E2F5: variants seen among roughly 807,000 people sequenced by gnomAD.
E2F5 encodes E2F transcription factor 5, also known as transcription factor E2F5.
E2F5 carries 23 observed loss-of-function variants against 39.1 expected under a neutral mutation model. That is an observed-to-expected ratio of 0.59 (90% confidence interval 0.42 to 0.83). E2F5 has a LOEUF of 0.83. Among genes scored for constraint, E2F5 ranks in the 40% least tolerant of loss-of-function variants. E2F5 has a pLI of 0.00. For synonymous variants in E2F5, 145 were observed against 157.8 expected (o/e 0.92, Z 0.61); for missense variants, 365 against 406.7 (o/e 0.90, Z 0.88).
At chr8:85,189,883 A>G (rs1284642199) in intron 1 of E2F5, among the ~76,000 whole-genome samples, 3 of 152,176 alleles carry the variant, frequency 2.0e-5, no homozygotes, top group Non-Finnish European at 2.9e-5. Context: ...AGAAATGGGC[A>G]GTTCCACGCT....
chr8:85,213,986 C>A lies in E2F5; in HGVS notation c.*124C>A. On this transcript the variant is annotated 3_prime_UTR_variant, in exon 8 of 8. Coordinates refer to ENST00000416274, the MANE Select transcript of E2F5 (RefSeq NM_001951.4). Reference sequence around the variant, plus strand: ...TTTAGTTCACTGATTCTGAAGTGTTCTTCCCTAATACTTTCTTTACTTCAC... The same window carrying A: ...TTTAGTTCACTGATTCTGAAGTGTTATTCCCTAATACTTTCTTTACTTCAC... 1 of 637,562 alleles carries A rather than the reference C, an allele frequency of 1.6e-6. No individual in the cohort carries two copies. Among genetic ancestry groups the A allele is most frequent in the Non-Finnish European group, 2.7e-6 (1 of 367,654 alleles). The allele number at this position is 637,562 out of a possible 1,614,324, so 39.5% of individuals were successfully genotyped here.
chr8:85,212,183 G>A lies in E2F5; in HGVS notation c.910G>A (p.Asp304Asn), dbSNP rs1336441586. 6.2e-7 allele frequency: 1 copy of A among 1,610,754 alleles called. No homozygotes were observed. ...SAGSISGDII[D>N]ELMSSDVFPL... ...AGGATCTATTAGTGGAGATATCATT[G>A]ATGAGTTAATGTCTTCTGACGGTAA... is the stretch of plus-strand genomic sequence containing the variant. The change falls in exon 7 of 8, where the codon GAT becomes AAT. Residue 304 changes from aspartate to asparagine, a missense_variant. Coordinates refer to ENST00000416274, the MANE Select transcript of E2F5 (RefSeq NM_001951.4).
At chr8:85,185,136 A>C (rs1202725054) in intron 1 of E2F5, among the ~76,000 whole-genome samples, 2 of 152,168 alleles carry the variant, frequency 1.3e-5, no homozygotes, top group Non-Finnish European at 2.9e-5. Flanking sequence ...CAGTAACCAA[A>C]ACAGCATGGT....
chr8:85,207,280 C>G (rs1021610714), intron 4 of E2F5, 145 bp from the exon 5 acceptor site: 9 of 606,196 alleles, frequency 1.5e-5, no homozygotes, highest in African/African-American at 1.9e-5. Context: ...TGTGTATCCC[C>G]CATTTTATAG....
intron 1 of E2F5, among the ~76,000 whole-genome samples, chr8:85,182,278 A>G (rs1231083034): frequency 1.3e-5 from 2 of 152,368 alleles, no homozygotes; most frequent in South Asian, 2.1e-4. Flanking sequence ...GTTTTTAGCT[A>G]ATGTTATCCT....
chr8:85,196,049 T>G (rs1282027006), intron 1 of E2F5, among the ~76,000 whole-genome samples: 1 of 152,174 alleles, frequency 6.6e-6, no homozygotes, highest in Non-Finnish European at 1.5e-5. Context: ...TTCAAAAATA[T>G]CAAATACAGT....
chr8:85,209,147 G>A lies in E2F5; in HGVS notation c.621G>A (p.Gln207=), dbSNP rs759009349. 6.2e-7 allele frequency: 1 copy of A among 1,613,822 alleles called. No homozygotes were observed. The highest frequency in any genetic ancestry group is 1.1e-5 in the South Asian group (1 of 91,070). ...TATACCCAATAACTTCAAAGGGTCA[G>A]AATGGACAAAAGAAATACCAGATCA... ...QLEVPIPEMG[Q]NGQKKYQINL... Residue 207 remains glutamine (Q), a synonymous_variant, in exon 6 of 8, where the codon CAG becomes CAA. Transcript: ENST00000416274.
intron 1 of E2F5, among the ~76,000 whole-genome samples, chr8:85,184,808 A>T (rs1187973881): frequency 6.6e-6 from 1 of 152,236 alleles, no homozygotes; most frequent in African/African-American, 2.4e-5. Context: ...CTTACAAGGG[A>T]TGTGAAGGAC....
intron 1 of E2F5, among the ~76,000 whole-genome samples, chr8:85,200,637 T>C (rs1157588152): frequency 1.3e-5 from 2 of 152,214 alleles, no homozygotes; most frequent in East Asian, 3.9e-4. Context: ...TGGAGTTCTC[T>C]GAGTTACTTC....
chr8:85,212,226 T>A (rs1180016719), intron 7 of E2F5, 22 bp downstream of exon 7: 23 of 1,547,264 alleles, frequency 1.5e-5, no homozygotes, highest in Non-Finnish European at 2.0e-5. Flanking sequence ...AAAATTTTAC[T>A]AACTCACTTA....
intron 6 of E2F5, among the ~76,000 whole-genome samples, chr8:85,211,643 G>GTTGTTTTTTT (rs1225610661): frequency 5.7e-5 from 3 of 52,196 alleles, no homozygotes; most frequent in African/African-American, 2.7e-4. Context: ...GTTTGTTGTT[G>GTTGTTTTTTT]TTTTTTTTTT....
intron 5 of E2F5, among the ~76,000 whole-genome samples, chr8:85,208,738 G>GA (rs896912437): frequency 9.9e-5 from 15 of 151,696 alleles, no homozygotes; most frequent in African/African-American, 2.2e-4. Context: ...TTGCAGATGG[G>GA]AAAAAAAAGA....
At chr8:85,212,082 G>T in intron 6 of E2F5, 75 bp from the exon 7 acceptor site, 5 of 1,142,120 alleles carry the variant, frequency 4.4e-6, no homozygotes, top group South Asian at 3.9e-5. Flanking sequence ...AGCTGCTGCT[G>T]TGACTACTTG....
intron 2 of E2F5, 113 bp downstream of exon 2, chr8:85,202,369 T>G (rs2129721724): frequency 1.3e-6 from 1 of 746,258 alleles, no homozygotes; most frequent in East Asian, 2.8e-5. Context: ...GTCAGGCCCC[T>G]CAGCTTTCCC....
chr8:85,190,245 AACAC>A (rs143006917), intron 1 of E2F5, among the ~76,000 whole-genome samples: 4 of 151,080 alleles, frequency 2.6e-5, no homozygotes, highest in African/African-American at 7.3e-5. Flanking sequence ...CGTGTGTGAA[AACAC>A]ACACACACAC....
intron 1 of E2F5, among the ~76,000 whole-genome samples, chr8:85,196,807 T>C (rs1812591342): frequency 6.6e-6 from 1 of 152,230 alleles, no homozygotes; most frequent in South Asian, 2.1e-4. Flanking sequence ...TACTGGCTTA[T>C]AAAAGGTTCC....
chr8:85,193,417 A>G (rs1244051853), intron 1 of E2F5, among the ~76,000 whole-genome samples: 1 of 152,160 alleles, frequency 6.6e-6, no homozygotes, highest in African/African-American at 2.4e-5. Context: ...CAGGAGGTGA[A>G]GGTTGCAGTG....
At chr8:85,180,763 T>C (rs1042372623) in intron 1 of E2F5, among the ~76,000 whole-genome samples, 1 of 151,038 alleles carries the variant, frequency 6.6e-6, no homozygotes, top group Non-Finnish European at 1.5e-5. Context: ...GTATTTTTAG[T>C]AGAGACGGGG....
chr8:85,188,323 T>C (rs1812387957), intron 1 of E2F5, among the ~76,000 whole-genome samples: 1 of 151,580 alleles, frequency 6.6e-6, no homozygotes, highest in South Asian at 2.1e-4. Context: ...ATCCTTTTTT[T>C]TTTTTTTTTT....
Sources: allele counts gnomAD v4.1 joint callset (sites outside exome capture counted in the v4.1 genomes callset), GRCh38; gene constraint gnomAD v4.1.1; transcripts MANE v1.5; gene names NCBI Gene and HGNC (gene_info 2026-07-23, HGNC 2026-07-21).